Variants in PSMD1 observed in about 807,000 individuals in gnomAD.
PSMD1 encodes the protein 26S proteasome non-ATPase regulatory subunit 1.
In PSMD1, 18 loss-of-function variants were observed where a neutral mutation model predicts 119.0. The observed-to-expected ratio is 0.15, with a 90% CI of 0.10 to 0.22. PSMD1 has a LOEUF of 0.22. Ranked by LOEUF, PSMD1 falls within the 10% of genes least tolerant of loss-of-function variation. The probability of loss-of-function intolerance (pLI) is 1.00; values close to 1 mark genes in which losing one functional copy is unlikely to be tolerated. For missense variants in PSMD1, 702 were observed against 1,158.5 expected (o/e 0.61, Z 5.72); for synonymous variants, 374 against 396.6 (o/e 0.94, Z 0.68).
intron 15 of PSMD1, among the ~76,000 whole-genome samples, chr2:231,086,053 G>A (rs1694424553): frequency 1.4e-5 from 2 of 146,946 alleles, no homozygotes; most frequent in Admixed American, 1.4e-4. Flanking sequence ...TTTTTTTAGC[G>A]ACTTTGAGAC....
At chr2:231,106,050 A>T (rs1694966671) in intron 16 of PSMD1, among the ~76,000 whole-genome samples, 1 of 143,846 alleles carries the variant, frequency 7.0e-6, no homozygotes, top group Non-Finnish European at 1.5e-5. Context: ...TATTCTAAAT[A>T]GTTATAATCT....
intron 18 of PSMD1, among the ~76,000 whole-genome samples, chr2:231,150,427 G>T (rs1412536800): frequency 6.6e-6 from 1 of 150,992 alleles, no homozygotes; most frequent in Non-Finnish European, 1.5e-5. Flanking sequence ...TATATATAGA[G>T]ACATATAGAG....
chr2:231,154,268 CT>C (rs1696436932), intron 19 of PSMD1, among the ~76,000 whole-genome samples: 1 of 151,880 alleles, frequency 6.6e-6, no homozygotes, highest in South Asian at 2.1e-4. Context: ...CCTGTCTCTA[CT>C]AAAAATACAA....
chr2:231,071,178 G>GA (rs1346028066), intron 6 of PSMD1, among the ~76,000 whole-genome samples: 1 of 151,808 alleles, frequency 6.6e-6, no homozygotes, highest in African/African-American at 2.4e-5. Context: ...AAACTGACAT[G>GA]AAAAATAGTA....
At chr2:231,128,675 T>C (rs1322608965) in intron 16 of PSMD1, among the ~76,000 whole-genome samples, 1 of 152,336 alleles carries the variant, frequency 6.6e-6, no homozygotes, top group South Asian at 2.1e-4. Flanking sequence ...CTCATATGTA[T>C]ATGAAGTCTG....
chr2:231,146,466 A>C, intron 18 of PSMD1, 110 bp downstream of exon 18: 3 of 745,544 alleles, frequency 4.0e-6, no homozygotes, highest in South Asian at 3.3e-5. Flanking sequence ...CACTGAAAGT[A>C]AAGTAAAAGT....
rs181524941 is a variant in PSMD1, at chr2:231,119,514, A to G, written c.1884-19222A>G. On this transcript the variant is annotated intron_variant, in intron 16 of 24. Transcript: ENST00000308696. ...CAAACAGCCATCTTTCAGCCATTTT[A>G]TATACTCTTTCAGCTATACCACGGA... Among the ~76,000 whole-genome samples the G allele has an allele frequency of 2.2e-3, 337 of 152,164 alleles. 5 individuals carry two copies. The highest frequency in any genetic ancestry group is 0.019 in the Admixed American group (295 of 15,294).
chr2:231,081,472 A>G (rs890035531), intron 12 of PSMD1, among the ~76,000 whole-genome samples: 46 of 152,242 alleles, frequency 3.0e-4, no homozygotes, highest in African/African-American at 1.0e-3. Flanking sequence ...GATGCTAGAT[A>G]ACAGGAACTA....
At chr2:231,120,843 A>T (rs772152589) in intron 16 of PSMD1, among the ~76,000 whole-genome samples, 26 of 152,234 alleles carry the variant, frequency 1.7e-4, no homozygotes, top group Non-Finnish European at 2.2e-4. Flanking sequence ...AGTCCTAAAG[A>T]TTAACACTAC....
chr2:231,155,145 A>G (rs1696457083), intron 19 of PSMD1, among the ~76,000 whole-genome samples: 1 of 152,240 alleles, frequency 6.6e-6, no homozygotes, highest in Non-Finnish European at 1.5e-5. Context: ...TACCCTATCC[A>G]TGTGAATATA....
chr2:231,075,436 G>T, intron 7 of PSMD1, 75 bp from the exon 8 acceptor site: 1 of 1,289,506 alleles, frequency 7.8e-7, no homozygotes, highest in South Asian at 1.4e-5. Flanking sequence ...TATTCAATTT[G>T]GACATGGTTC....
chr2:231,163,778 C>A (rs969821197), intron 21 of PSMD1, 51 bp downstream of exon 21: 2 of 1,332,772 alleles, frequency 1.5e-6, no homozygotes, highest in African/African-American at 1.5e-5. Context: ...ATAGGAGCCA[C>A]TGAGTATTTT....
chr2:231,070,225 A>AT, intron 6 of PSMD1, 57 bp downstream of exon 6: 1 of 1,250,482 alleles, frequency 8.0e-7, no homozygotes, highest in Non-Finnish European at 1.0e-6. Context: ...GTGCTATGCT[A>AT]TACCACTTCA....
At chr2:231,163,756 T>G (rs1696692016) in intron 21 of PSMD1, 29 bp downstream of exon 21, 2 of 1,517,298 alleles carry the variant, frequency 1.3e-6, no homozygotes, top group Non-Finnish European at 1.8e-6. Context: ...TTAGCAGCAT[T>G]TGTACTTAAA....
intron 16 of PSMD1, among the ~76,000 whole-genome samples, chr2:231,096,610 G>C (rs891847499): frequency 1.5e-4 from 23 of 152,212 alleles, no homozygotes; most frequent in African/African-American, 3.9e-4. Flanking sequence ...AAAAGAAATA[G>C]CACTTGAATA....
chr2:231,072,090 T>G, intron 6 of PSMD1, 99 bp from the exon 7 acceptor site: 1 of 987,636 alleles, frequency 1.0e-6, no homozygotes, highest in Non-Finnish European at 1.5e-6. Flanking sequence ...TGCCTGTGCT[T>G]ATATTTTAAG....
intron 16 of PSMD1, among the ~76,000 whole-genome samples, chr2:231,129,177 A>G (rs1376155404): frequency 2.6e-5 from 4 of 152,230 alleles, no homozygotes; most frequent in Admixed American, 6.5e-5. Context: ...ATCAAAGTAC[A>G]TTTATGTTGA....
chr2:231,068,777 T>C (rs1374010764), intron 5 of PSMD1, among the ~76,000 whole-genome samples: 1 of 152,208 alleles, frequency 6.6e-6, no homozygotes, highest in Non-Finnish European at 1.5e-5. Flanking sequence ...TACTCAGTAA[T>C]GGCCTCAAAG....
At chr2:231,058,949 A>ACT (rs1439393392) in intron 1 of PSMD1, among the ~76,000 whole-genome samples, 2 of 150,012 alleles carry the variant, frequency 1.3e-5, no homozygotes, top group African/African-American at 5.0e-5. Context: ...TTGCCTGATC[A>ACT]CTGTCTCTCT....
Sources: allele counts gnomAD v4.1 joint callset (sites outside exome capture counted in the v4.1 genomes callset), GRCh38; gene constraint gnomAD v4.1.1; transcripts MANE v1.5; gene names NCBI Gene and HGNC (gene_info 2026-07-23, HGNC 2026-07-21).